XRCC5: variants seen among roughly 807,000 people sequenced by gnomAD.
XRCC5 encodes DNA repair protein Ku80.
XRCC5 carries 12 observed loss-of-function variants against 95.7 expected under a neutral mutation model. That is an observed-to-expected ratio of 0.13 (90% confidence interval 0.08 to 0.20). XRCC5 has a LOEUF of 0.20. Ranked by LOEUF, XRCC5 falls within the 10% of genes least tolerant of loss-of-function variation. XRCC5 has a pLI of 1.00. For missense variants in XRCC5, 595 were observed against 873.9 expected, an observed-to-expected ratio of 0.68 and a Z score of 4.02; for synonymous variants, 281 against 290.3, an observed-to-expected ratio of 0.97 and a Z score of 0.33.
chr2:216,197,753 C>A (rs1689756072), intron 19 of XRCC5, among the ~76,000 whole-genome samples: 1 of 152,112 alleles, frequency 6.6e-6, no homozygotes, highest in African/African-American at 2.4e-5. Context: ...TATCTCATAG[C>A]CTCCAAAAAA....
Position 216,117,792 on chromosome 2 carries a change from A to G in XRCC5, c.366A>G (p.Thr122=), listed in dbSNP as rs374702152. The part of the protein sequence containing the change: ...IVSMDVIQHE[T]IGKKFEKRHI... ...GCATGGATGTGATTCAACATGAAACAATGTAAGTGTTCCAAGGAAGAGAGC... is the reference window on the plus strand; with the variant it reads ...GCATGGATGTGATTCAACATGAAACGATGTAAGTGTTCCAAGGAAGAGAGC... The change falls in exon 4 of 21, where the codon ACA becomes ACG. Residue 122 remains threonine (T), a splice_region_variant and synonymous_variant. Coordinates refer to ENST00000392132, the MANE Select transcript of XRCC5 (RefSeq NM_021141.4). 2 of 1,614,034 alleles carry G rather than the reference A, an allele frequency of 1.2e-6. No individual in the cohort carries two copies. Among genetic ancestry groups the G allele is most frequent in the Non-Finnish European group, 1.7e-6 (2 of 1,179,986 alleles).
chr2:216,127,050 G>A (rs1355107417), intron 7 of XRCC5, among the ~76,000 whole-genome samples: 1 of 152,002 alleles, frequency 6.6e-6, no homozygotes, highest in Non-Finnish European at 1.5e-5. Context: ...CCAGGAGTTC[G>A]AAACCAGCCT....
At chr2:216,150,459 G>C (rs957288499) in intron 14 of XRCC5, among the ~76,000 whole-genome samples, 1 of 152,168 alleles carries the variant, frequency 6.6e-6, no homozygotes, top group African/African-American at 2.4e-5. Flanking sequence ...TTCGTTGTGC[G>C]AATGTCACAG....
intron 16 of XRCC5, among the ~76,000 whole-genome samples, chr2:216,172,947 A>G (rs1689198000): frequency 6.6e-6 from 1 of 152,178 alleles, no homozygotes; most frequent in African/African-American, 2.4e-5. Context: ...TTTAGTGTAC[A>G]AGCTATACAG....
rs182509476 is a variant in XRCC5, at chr2:216,139,678, T to C, written c.1342+1499T>C. Among the ~76,000 whole-genome samples the C allele has an allele frequency of 1.2e-4, 19 of 152,284 alleles. No individual in the cohort carries two copies. The East Asian group carries it at 3.5e-3, about 28-fold the overall frequency. ...CGCGCCACCGTGGCTGGCTCATTTT[T>C]AAAATTGTTTGTAGAGATGGAATCT... On this transcript the variant is annotated intron_variant, in intron 12 of 20. Coordinates refer to ENST00000392132, the MANE Select transcript of XRCC5 (RefSeq NM_021141.4).
At chr2:216,161,645 G>C (rs947767743) in intron 15 of XRCC5, among the ~76,000 whole-genome samples, 1 of 152,208 alleles carries the variant, frequency 6.6e-6, no homozygotes, top group Non-Finnish European at 1.5e-5. Context: ...CTAATTGGTT[G>C]GGTGACAGGA....
At chr2:216,125,784 C>A (rs912434604) in intron 6 of XRCC5, 133 bp from the exon 7 acceptor site, 1 of 671,008 alleles carries the variant, frequency 1.5e-6, no homozygotes, top group Admixed American at 2.8e-5. Flanking sequence ...TGTTGTTTTC[C>A]GGCCATCTCC....
At chr2:216,125,053 C>T (rs991648374) in intron 6 of XRCC5, among the ~76,000 whole-genome samples, 3 of 152,088 alleles carry the variant, frequency 2.0e-5, no homozygotes, top group African/African-American at 7.2e-5. Context: ...GTCTTTAACT[C>T]TCACTATTAT....
At position 216,205,210 on chromosome 2, in the gene XRCC5, A is replaced by G. The variant is rs753411361; in HGVS notation, c.*8A>G. On this transcript the variant is annotated 3_prime_UTR_variant, in exon 21 of 21. Transcript: ENST00000392132. ...CAGTTGGACATGATATAGGTCGTGGATGTATGGGGAATCTAAGAGAGCTGC... is the reference window on the plus strand; with the variant it reads ...CAGTTGGACATGATATAGGTCGTGGGTGTATGGGGAATCTAAGAGAGCTGC... 1 of 1,613,966 alleles carries G rather than the reference A, an allele frequency of 6.2e-7. No individual in the cohort carries two copies. Among genetic ancestry groups the G allele is most frequent in the African/African-American group, 1.3e-5 (1 of 75,030 alleles).
chr2:216,112,935 G>A (rs1321651373), intron 1 of XRCC5, 81 bp from the exon 2 acceptor site: 26 of 1,065,544 alleles, frequency 2.4e-5, no homozygotes, highest in Non-Finnish European at 3.7e-5. Context: ...ACAGGTTCAT[G>A]AATACAATAA....
chr2:216,113,832 C>G (rs1696637030), intron 2 of XRCC5, among the ~76,000 whole-genome samples: 1 of 152,186 alleles, frequency 6.6e-6, no homozygotes, highest in Admixed American at 6.5e-5. Flanking sequence ...AGGAGTATCC[C>G]AAGAATGGGT....
At chr2:216,178,988 A>T (rs1472182959) in intron 16 of XRCC5, among the ~76,000 whole-genome samples, 2 of 152,226 alleles carry the variant, frequency 1.3e-5, no homozygotes, top group Non-Finnish European at 2.9e-5. Flanking sequence ...GTAAACAAAT[A>T]AGAAAATATA....
intron 19 of XRCC5, among the ~76,000 whole-genome samples, chr2:216,197,615 A>T (rs1483541193): frequency 1.3e-5 from 2 of 152,192 alleles, no homozygotes; most frequent in African/African-American, 2.4e-5. Flanking sequence ...TAGTCAAGGC[A>T]CAGAGAGTGT....
intron 11 of XRCC5, 149 bp downstream of exon 11, chr2:216,137,374 C>A: frequency 1.1e-6 from 1 of 872,338 alleles, no homozygotes; most frequent in Non-Finnish European, 1.6e-6. Context: ...GGCCCAGATT[C>A]TCTGTTTCTC....
At chr2:216,168,567 A>G (rs1381708108) in intron 16 of XRCC5, among the ~76,000 whole-genome samples, 2 of 152,214 alleles carry the variant, frequency 1.3e-5, no homozygotes, top group Admixed American at 6.5e-5. Flanking sequence ...GTTCCTGTCA[A>G]TCTGTATCAG....
At chr2:216,203,411 A>G (rs1198794825) in intron 19 of XRCC5, among the ~76,000 whole-genome samples, 1 of 152,202 alleles carries the variant, frequency 6.6e-6, no homozygotes, top group East Asian at 1.9e-4. Flanking sequence ...TGCTAGATAG[A>G]TATGCATTGC....
chr2:216,159,991 C>A, intron 14 of XRCC5, 77 bp from the exon 15 acceptor site: 5 of 603,140 alleles, frequency 8.3e-6, no homozygotes, highest in South Asian at 4.0e-5. Context: ...TTTTTTGGTG[C>A]TTGGAAAATA....
At chr2:216,156,401 A>G (rs997028432) in intron 14 of XRCC5, 3 of 805,564 alleles carry the variant, frequency 3.7e-6, no homozygotes, top group African/African-American at 3.4e-5. Context: ...GTGCTTGGCA[A>G]CAAGTCTGCT....
intron 1 of XRCC5, among the ~76,000 whole-genome samples, chr2:216,111,059 A>G (rs1696583111): frequency 6.6e-6 from 1 of 152,208 alleles, no homozygotes; most frequent in Non-Finnish European, 1.5e-5. Context: ...TTTTTAAAAC[A>G]TTTCTAGGGT....
Sources: gnomAD v4.1 joint callset for allele counts (sites outside exome capture counted in the v4.1 genomes callset) on GRCh38, gnomAD v4.1.1 for gene constraint, MANE v1.5 for transcripts, NCBI Gene and HGNC (gene_info 2026-07-23, HGNC 2026-07-21) for gene names.